BICC1: variants seen among roughly 807,000 people sequenced by gnomAD.
BICC1 encodes protein bicaudal C homolog 1.
In BICC1, 43 loss-of-function variants were observed where a neutral mutation model predicts 111.0. The observed-to-expected ratio is 0.39, with a 90% CI of 0.30 to 0.50. The LOEUF (loss-of-function observed/expected upper bound fraction) is 0.50. BICC1 is among the 20% of genes least tolerant of loss of function. BICC1 has a pLI of 0.88. For missense variants in BICC1, 1,091 were observed against 1,203.2 expected (o/e 0.91, Z 1.38); for synonymous variants, 467 against 434.4 (o/e 1.07, Z -0.93).
At chr10:58,682,478 C>T (rs530991467) in intron 2 of BICC1, among the ~76,000 whole-genome samples, 1 of 152,246 alleles carries the variant, frequency 6.6e-6, no homozygotes, top group Admixed American at 6.5e-5. Flanking sequence ...GTTTACATTC[C>T]CACCAGCAGT....
At chr10:58,653,485 G>A (rs1838517112) in intron 2 of BICC1, among the ~76,000 whole-genome samples, 1 of 152,092 alleles carries the variant, frequency 6.6e-6, no homozygotes, top group Admixed American at 6.6e-5. Flanking sequence ...ATCAAACTGT[G>A]CACCCCACTT....
At chr10:58,518,279 T>C (rs1261302577) in intron 1 of BICC1, among the ~76,000 whole-genome samples, 1 of 152,276 alleles carries the variant, frequency 6.6e-6, no homozygotes, top group East Asian at 1.9e-4. Flanking sequence ...GAGTCATTCA[T>C]TGGTGTGTAG....
At chr10:58,574,384 G>A (rs1844048273) in intron 1 of BICC1, among the ~76,000 whole-genome samples, 1 of 152,116 alleles carries the variant, frequency 6.6e-6, no homozygotes, top group African/African-American at 2.4e-5. Flanking sequence ...CAGAGAACAG[G>A]CTCTTTCAGT....
intron 1 of BICC1, among the ~76,000 whole-genome samples, chr10:58,584,055 A>AACACACACAC (rs140080926): frequency 1.4e-4 from 20 of 147,962 alleles, no homozygotes; most frequent in Middle Eastern, 6.9e-3. Flanking sequence ...GTAAACATGA[A>AACACACACAC]ACACACACAC....
chr10:58,699,568 C>T (rs753299017), intron 2 of BICC1, among the ~76,000 whole-genome samples: 8 of 152,104 alleles, frequency 5.3e-5, no homozygotes, highest in Admixed American at 5.2e-4. Flanking sequence ...CATAATATGG[C>T]CCTTGACTTC....
chr10:58,639,013 G>A (rs1182069663), intron 2 of BICC1, among the ~76,000 whole-genome samples: 3 of 141,876 alleles, frequency 2.1e-5, no homozygotes, highest in African/African-American at 7.7e-5. Context: ...TTGTATATAT[G>A]TACATTGTGG....
At chr10:58,794,437 G>C (rs1036332961) in intron 9 of BICC1, among the ~76,000 whole-genome samples, 1 of 141,296 alleles carries the variant, frequency 7.1e-6, no homozygotes, top group African/African-American at 2.6e-5. Flanking sequence ...TTTTTTTTCT[G>C]AGACAGGGTC....
chr10:58,688,595 G>A (rs1464281369), intron 2 of BICC1, among the ~76,000 whole-genome samples: 7 of 152,268 alleles, frequency 4.6e-5, no homozygotes, highest in South Asian at 4.1e-4. Context: ...GTTTATTGCA[G>A]CACTATTTAC....
intron 1 of BICC1, among the ~76,000 whole-genome samples, chr10:58,555,985 T>G (rs1391285918): frequency 2.6e-5 from 4 of 152,180 alleles, no homozygotes; most frequent in Non-Finnish European, 5.9e-5. Context: ...AATTTTTTTT[T>G]ATTTCCTTAA....
intron 1 of BICC1, among the ~76,000 whole-genome samples, chr10:58,527,979 G>T (rs1842589347): frequency 6.6e-6 from 1 of 151,906 alleles, no homozygotes; most frequent in East Asian, 1.9e-4. Context: ...ACATTTGTAA[G>T]GCTGGCACAC....
At chr10:58,626,195 T>C (rs1837618869) in intron 2 of BICC1, among the ~76,000 whole-genome samples, 1 of 152,196 alleles carries the variant, frequency 6.6e-6, no homozygotes, top group African/African-American at 2.4e-5. Context: ...AGCATTACAT[T>C]GTTGGTCCCA....
intron 1 of BICC1, among the ~76,000 whole-genome samples, chr10:58,551,964 T>TG (rs3075363): frequency 0.38 from 57,456 of 151,374 alleles, 11,279 homozygotes; most frequent in East Asian, 0.48. Context: ...AAGTTTTTTT[T>TG]GGGGGGGGAT....
At position 58,828,972 on chromosome 10, in the gene BICC1, T is replaced by C; in HGVS notation, c.*81T>C. 6.5e-7 allele frequency: 1 copy of C among 1,528,936 alleles called. No individual in the cohort carries two copies. The highest frequency in any genetic ancestry group is 1.9e-5 in the Admixed American group (1 of 53,350). 94.7% of individuals were successfully genotyped at this position (1,528,936 alleles called of 1,614,324 possible). ...TATGAACAGCCTTCACAGCACACCA[T>C]CCTTAGCACTCTGGGTGTCTGGTAT... On this transcript the variant is annotated 3_prime_UTR_variant, in exon 21 of 21. Transcript: ENST00000373886.
intron 3 of BICC1, among the ~76,000 whole-genome samples, chr10:58,782,898 A>G (rs1311589226): frequency 6.6e-6 from 1 of 152,156 alleles, no homozygotes; most frequent in Non-Finnish European, 1.5e-5. Context: ...AGTGTGGTAA[A>G]AGTTGGCTAG....
intron 2 of BICC1, among the ~76,000 whole-genome samples, chr10:58,664,761 G>A (rs1346075963): frequency 6.6e-6 from 1 of 151,812 alleles, no homozygotes; most frequent in East Asian, 1.9e-4. Flanking sequence ...GTGTTAAAGA[G>A]CAATAGTCTG....
At chr10:58,565,992 A>G (rs774231493) in intron 1 of BICC1, among the ~76,000 whole-genome samples, 2 of 152,098 alleles carry the variant, frequency 1.3e-5, no homozygotes, top group African/African-American at 4.8e-5. Flanking sequence ...GAGTCCCTAT[A>G]GTCCATTGTA....
At chr10:58,547,178 C>T (rs1843163478) in intron 1 of BICC1, among the ~76,000 whole-genome samples, 1 of 152,096 alleles carries the variant, frequency 6.6e-6, no homozygotes. Flanking sequence ...ATTCAGATTT[C>T]CTTAGTGTTT....
At chr10:58,777,056 T>TA (rs1454629458) in intron 3 of BICC1, among the ~76,000 whole-genome samples, 1 of 151,672 alleles carries the variant, frequency 6.6e-6, no homozygotes, top group Non-Finnish European at 1.5e-5. Flanking sequence ...TAAGATAAGG[T>TA]AGTTTATCCT....
intron 2 of BICC1, among the ~76,000 whole-genome samples, chr10:58,623,912 C>T (rs944231331): frequency 1.3e-5 from 2 of 151,664 alleles, no homozygotes; most frequent in African/African-American, 2.4e-5. Context: ...TTGGAGAAAA[C>T]AATTGATTTT....
Sources: allele counts gnomAD v4.1 joint callset (sites outside exome capture counted in the v4.1 genomes callset), GRCh38; gene constraint gnomAD v4.1.1; transcripts MANE v1.5; gene names NCBI Gene and HGNC (gene_info 2026-07-23, HGNC 2026-07-21).